LPIN2: variants seen among roughly 807,000 people sequenced by gnomAD.
LPIN2 encodes the protein phosphatidate phosphatase LPIN2.
LPIN2 carries 55 observed loss-of-function variants against 111.4 expected under a neutral mutation model. That is an observed-to-expected ratio of 0.49 (90% CI 0.40 to 0.62). LPIN2 has a LOEUF of 0.62. Among genes scored for constraint, LPIN2 ranks in the 20% least tolerant of loss-of-function variants. The pLI, the probability that LPIN2 is intolerant of heterozygous loss-of-function variation, is 0.00. For missense variants in LPIN2, 992 were observed against 1,112.1 expected (o/e 0.89, Z 1.54); for synonymous variants, 425 against 414.0 (o/e 1.03, Z -0.32).
chr18:2,950,934 C>T, intron 4 of LPIN2, 121 bp downstream of exon 4: 1 of 1,037,218 alleles, frequency 9.6e-7, no homozygotes, highest in Non-Finnish European at 1.5e-6. Flanking sequence ...CCACAATAAA[C>T]TGTAAAGGGG....
Position 2,928,717 on chromosome 18 carries a change from G to A in LPIN2, c.1551-57C>T, listed in dbSNP as rs1385188669. 22 of 1,310,886 alleles carry A rather than the reference G, an allele frequency of 1.7e-5. No individual in the cohort carries two copies. In the South Asian group the frequency reaches 2.5e-4, roughly 15 times the overall value. The allele number at this position is 1,310,886 out of a possible 1,614,324, so 81.2% of individuals were successfully genotyped here. The stretch of plus-strand genomic sequence containing the variant: ...ACACAGTGAAAGTGAGCAAGAGAGA[G>A]GGGAGGGAATCAGGGAGGGAGGGAG... On this transcript the variant is annotated intron_variant, in intron 10 of 19. Transcript: ENST00000677752.
At chr18:2,957,073 C>T (rs2077625629) in intron 2 of LPIN2, among the ~76,000 whole-genome samples, 1 of 152,164 alleles carries the variant, frequency 6.6e-6, no homozygotes, top group Non-Finnish European at 1.5e-5. Flanking sequence ...CCCTCATTTC[C>T]ATATAGTCTT....
At chr18:2,958,173 A>AAAAAAAAAAAAAAAAAAAAT (rs2077650874) in intron 2 of LPIN2, among the ~76,000 whole-genome samples, 1 of 126,256 alleles carries the variant, frequency 7.9e-6, no homozygotes. Context: ...AAAAAAAAAA[A>AAAAAAAAAAAAAAAAAAAAT]CAGAAAAAAG....
intron 4 of LPIN2, among the ~76,000 whole-genome samples, chr18:2,941,148 C>G (rs182385099): frequency 1.5e-3 from 229 of 152,292 alleles, no homozygotes; most frequent in African/African-American, 5.2e-3. Context: ...AGCCCTTATT[C>G]TTTCCACTGC....
intron 4 of LPIN2, chr18:2,946,042 C>A: frequency 7.1e-7 from 1 of 1,412,080 alleles, no homozygotes; most frequent in Middle Eastern, 1.8e-4. Context: ...CTCTAGACCC[C>A]GATATGTCTT....
At chr18:2,990,219 CAT>C (rs1347516224) in intron 1 of LPIN2, among the ~76,000 whole-genome samples, 1 of 152,116 alleles carries the variant, frequency 6.6e-6, no homozygotes, top group African/African-American at 2.4e-5. Flanking sequence ...TAGAAGAAAA[CAT>C]AGGGTAAATC....
chr18:2,931,379 G>A lies in LPIN2; in HGVS notation c.1333C>T (p.Gln445Ter). Residue 445 changes from glutamine to a stop codon, truncating the protein, a stop_gained, in exon 9 of 20, where the codon CAG becomes TAG. Transcript: ENST00000677752. LOFTEE classifies it high-confidence loss of function. ...TCTGCAGCTGCGCTTCCCACGGACT[G>A]TGGGGACTGGGAGCCAGAGAGTGTG... The part of the protein sequence containing the change: ...SDTLSGSQSP[Q>*]SVGSAAADSG... 6.2e-7 allele frequency: 1 copy of A among 1,612,208 alleles called. No homozygotes were observed. Among genetic ancestry groups the A allele is most frequent in the Non-Finnish European group, 8.5e-7 (1 of 1,179,158 alleles).
chr18:2,991,974 C>G (rs2078272333), intron 1 of LPIN2, among the ~76,000 whole-genome samples: 1 of 150,278 alleles, frequency 6.7e-6, no homozygotes, highest in Non-Finnish European at 1.5e-5. Context: ...CGCCACTGCA[C>G]TCTAGCCTGG....
chr18:2,923,664 T>C lies in LPIN2; in HGVS notation c.2174+111A>G. 4.2e-6 allele frequency: 4 copies of C among 946,774 alleles called. No homozygotes were observed. The South Asian group carries it at 5.2e-5, about 12-fold the overall frequency. 58.6% of individuals were successfully genotyped at this position (946,774 alleles called of 1,614,324 possible). On this transcript the variant is annotated intron_variant, in intron 16 of 19. Transcript: ENST00000677752. ...AAGGAGTGAGGAAGAGCGGGAATGC[T>C]TCAGCATAAACACATGACTCATGTG...
At chr18:2,996,157 A>G (rs971671691) in intron 1 of LPIN2, among the ~76,000 whole-genome samples, 6 of 152,060 alleles carry the variant, frequency 3.9e-5, no homozygotes, top group East Asian at 3.9e-4. Flanking sequence ...TGGTCAACAC[A>G]GTGAAACCCC....
chr18:2,923,420 CAAAAAAAAAAAAAAAA>C (rs869052239), intron 16 of LPIN2, among the ~76,000 whole-genome samples: 1 of 26,590 alleles, frequency 3.8e-5, no homozygotes, highest in Non-Finnish European at 8.3e-5. Flanking sequence ...AACTCCATCT[CAAAAAAAAAAAAAAAA>C]AAAAAAAAAA....
intron 10 of LPIN2, 86 bp downstream of exon 10, chr18:2,928,979 G>T: frequency 1.1e-6 from 1 of 903,412 alleles, no homozygotes; most frequent in Non-Finnish European, 1.8e-6. Flanking sequence ...TTATAAGAAG[G>T]AACACTTTTA....
intron 1 of LPIN2, among the ~76,000 whole-genome samples, chr18:2,988,724 C>T (rs1370264386): frequency 1.3e-5 from 2 of 152,150 alleles, no homozygotes; most frequent in African/African-American, 4.8e-5. Flanking sequence ...TGTCAAGACA[C>T]AGATAGGATT....
Position 2,920,046 on chromosome 18 carries a change from C to A in LPIN2, c.*247G>T. The A allele has an allele frequency of 1.7e-6, 1 of 579,024 alleles. No homozygotes were observed. The highest frequency in any genetic ancestry group is 3.1e-6 in the Non-Finnish European group (1 of 323,716). 35.9% of individuals were successfully genotyped at this position (579,024 alleles called of 1,614,324 possible). A position where few individuals can be genotyped will look rare whatever the true frequency, so the allele number is the denominator to read the frequency against. ...CACAGCAGGAAACATGTGTGCGACC[C>A]ACAAAGGAGGGATCCCAGGCCTCCA... On this transcript the variant is annotated 3_prime_UTR_variant, in exon 20 of 20. Transcript: ENST00000677752.
At chr18:2,959,048 C>T (rs1037668761) in intron 2 of LPIN2, among the ~76,000 whole-genome samples, 2 of 152,220 alleles carry the variant, frequency 1.3e-5, no homozygotes, top group African/African-American at 4.8e-5. Context: ...TCTGAAAGTA[C>T]TATTGGTGTT....
At chr18:2,996,012 G>A (rs901152383) in intron 1 of LPIN2, among the ~76,000 whole-genome samples, 3 of 152,136 alleles carry the variant, frequency 2.0e-5, no homozygotes. Context: ...AGAATTAGAG[G>A]TAATTAGCTC....
Position 2,987,190 on chromosome 18 carries a change from A to G in LPIN2, c.-10+25897T>C, listed in dbSNP as rs549383328. 3.3e-4 allele frequency among the ~76,000 whole-genome samples: 50 copies of G among 152,180 alleles called. 1 individual carries two copies. Among genetic ancestry groups the G allele is most frequent in the Admixed American group, 3.3e-3 (50 of 15,284 alleles). ...CTATCATCAAATTTTAAAACACTAA[A>G]TAATTTTCAAAGTGTAGTGCTTTAA... On this transcript the variant is annotated intron_variant, in intron 1 of 19. Transcript: ENST00000677752.
rs555087167 is a variant in LPIN2 at position 2,995,821 on chromosome 18, A to G, written c.-10+17266T>C. Reference sequence around the variant, plus strand: ...TGTGAGACTCTGAAAGCAATTTAAAAAGGAAGGGGTGTTTCAAAATGTTTT... The same window carrying G: ...TGTGAGACTCTGAAAGCAATTTAAAGAGGAAGGGGTGTTTCAAAATGTTTT... On this transcript the variant is annotated intron_variant, in intron 1 of 19. Coordinates refer to ENST00000677752, the MANE Select transcript of LPIN2 (RefSeq NM_001375808.2). Among the ~76,000 whole-genome samples the G allele has an allele frequency of 5.3e-5, 8 of 152,226 alleles. 1 individual carries two copies. In the South Asian group the frequency reaches 1.5e-3, roughly 28 times the overall value.
At chr18:2,987,417 C>G (rs1744137459) in intron 1 of LPIN2, among the ~76,000 whole-genome samples, 1 of 152,190 alleles carries the variant, frequency 6.6e-6, no homozygotes, top group African/African-American at 2.4e-5. Flanking sequence ...TTGATTATAT[C>G]ATTAAGACAA....
Sources: gnomAD v4.1 joint callset for allele counts (sites outside exome capture counted in the v4.1 genomes callset) on GRCh38, gnomAD v4.1.1 for gene constraint, MANE v1.5 for transcripts, NCBI Gene and HGNC (gene_info 2026-07-23, HGNC 2026-07-21) for gene names.